AGO3: variants seen among roughly 807,000 people sequenced by gnomAD.
AGO3 encodes argonaute RISC catalytic component 3, also known as protein argonaute-3.
In AGO3, 16 loss-of-function variants were observed where a neutral mutation model predicts 105.5. That is an observed-to-expected ratio of 0.15 (90% CI 0.10 to 0.23). AGO3 has a LOEUF of 0.23. AGO3 is among the 10% of genes least tolerant of loss of function. The pLI, the probability that AGO3 is intolerant of heterozygous loss-of-function variation, is 1.00. For missense variants in AGO3, 534 were observed against 1,088.0 expected (o/e 0.49, Z 7.16); for synonymous variants, 340 against 367.3 (o/e 0.93, Z 0.85).
At chr1:35,932,015 C>T (rs1361451270) in intron 1 of AGO3, among the ~76,000 whole-genome samples, 1 of 152,142 alleles carries the variant, frequency 6.6e-6, no homozygotes, top group Non-Finnish European at 1.5e-5. Flanking sequence ...TGGATCCCTG[C>T]TTATACGAGG....
chr1:35,938,035 C>T (rs1223485079), intron 1 of AGO3, among the ~76,000 whole-genome samples: 1 of 146,096 alleles, frequency 6.8e-6, no homozygotes, highest in African/African-American at 2.6e-5. Context: ...GGCTGGAGTG[C>T]AATGGCATGA....
At chr1:36,032,238 A>G (rs913951262) in intron 12 of AGO3, among the ~76,000 whole-genome samples, 2 of 151,946 alleles carry the variant, frequency 1.3e-5, no homozygotes, top group African/African-American at 4.8e-5. Flanking sequence ...TGGCTTTTTG[A>G]TAGTAGCCAT....
Position 36,007,018 on chromosome 1 carries a change from G to A in AGO3, c.794-1672G>A, listed in dbSNP as rs569920698. Among the ~76,000 whole-genome samples the A allele has an allele frequency of 7.2e-5, 11 of 152,306 alleles. No individual in the cohort carries two copies. The East Asian group carries it at 2.1e-3, about 29-fold the overall frequency. Reference sequence around the variant, plus strand: ...GGCTGGATAATTCTTTGTTGGGATAGGGGTAGGGCTGTTCTCTGCATTACA... The same window carrying A: ...GGCTGGATAATTCTTTGTTGGGATAAGGGTAGGGCTGTTCTCTGCATTACA... On this transcript the variant is annotated intron_variant, in intron 6 of 18. Coordinates refer to ENST00000373191, the MANE Select transcript of AGO3 (RefSeq NM_024852.4).
chr1:36,003,555 G>A (rs1003091325), intron 5 of AGO3, among the ~76,000 whole-genome samples: 1 of 151,604 alleles, frequency 6.6e-6, no homozygotes, highest in South Asian at 2.1e-4. Flanking sequence ...TTGGTCGGAC[G>A]TGGTGGTGCA....
intron 1 of AGO3, among the ~76,000 whole-genome samples, chr1:35,944,553 T>TC (rs1373574760): frequency 6.8e-6 from 1 of 146,902 alleles, no homozygotes; most frequent in East Asian, 1.9e-4. Flanking sequence ...ACTTTTTTTT[T>TC]TTTTTTTTTT....
chr1:35,939,663 C>T (rs1182491377), intron 1 of AGO3, among the ~76,000 whole-genome samples: 4 of 152,106 alleles, frequency 2.6e-5, no homozygotes, highest in African/African-American at 9.7e-5. Flanking sequence ...ATTTAATCTT[C>T]CTTAACCTTA....
In AGO3 at chr1:36,062,222, G is replaced by A. The variant is rs1035576524; in HGVS notation, c.*6477G>A. ...CTGTCACCTAGGCTGGAGTGCAGTG[G>A]CTCAATCTCAGCTTACTGCAAACTC... On this transcript the variant is annotated 3_prime_UTR_variant, in exon 19 of 19. Transcript: ENST00000373191. The A allele has an allele frequency of 1.3e-5, 2 of 149,442 alleles. No homozygotes were observed. Among genetic ancestry groups the A allele is most frequent in the Non-Finnish European group, 3.0e-5 (2 of 67,690 alleles). 9.3% of individuals were successfully genotyped at this position (149,442 alleles called of 1,614,324 possible).
intron 6 of AGO3, chr1:36,005,787 A>G (rs1039201202): frequency 2.0e-5 from 20 of 985,270 alleles, no homozygotes; most frequent in East Asian, 1.1e-4. Context: ...CTTAACTTCA[A>G]CTGCTCAGGG....
intron 2 of AGO3, 72 bp from the exon 3 acceptor site, chr1:35,966,883 A>C: frequency 6.7e-7 from 1 of 1,493,528 alleles, no homozygotes; most frequent in Non-Finnish European, 9.0e-7. Flanking sequence ...CAGTGGCAGA[A>C]ATTACTTCTG....
intron 5 of AGO3, among the ~76,000 whole-genome samples, chr1:35,991,535 T>TTATATATATATA (rs138153778): frequency 4.1e-5 from 6 of 145,758 alleles, no homozygotes; most frequent in African/African-American, 1.5e-4. Flanking sequence ...GGAGCAAATT[T>TTATATATATATA]TATATATATA....
rs933620807 is a variant in AGO3, at chr1:36,068,812, G to A, written c.*13067G>A. ...ATGTGCAAAATATTGTGTAAAAATA[G>A]TTTAAAACTCATCCCAGTTCCTAGT... On this transcript the variant is annotated 3_prime_UTR_variant, in exon 19 of 19. Transcript: ENST00000373191. The A allele has an allele frequency of 2.6e-5, 4 of 152,174 alleles. No individual in the cohort carries two copies. Among genetic ancestry groups the A allele is most frequent in the Non-Finnish European group, 4.4e-5 (3 of 68,024 alleles). The allele number at this position is 152,174 out of a possible 1,614,324, so 9.4% of individuals were successfully genotyped here. A position where few individuals can be genotyped will look rare whatever the true frequency, so the allele number is the denominator to read the frequency against.
Position 35,931,343 on chromosome 1 carries a change from C to T in AGO3, c.-84C>T, listed in dbSNP as rs1015257261. 2.5e-5 allele frequency: 32 copies of T among 1,301,750 alleles called. No individual in the cohort carries two copies. The highest frequency in any genetic ancestry group is 2.8e-5 in the Non-Finnish European group (28 of 999,496). 80.6% of individuals were successfully genotyped at this position (1,301,750 alleles called of 1,614,324 possible). A position where few individuals can be genotyped will look rare whatever the true frequency, so the allele number is the denominator to read the frequency against. On this transcript the variant is annotated 5_prime_UTR_variant, in exon 1 of 19. Transcript: ENST00000373191. ...GGCCGAGTGAGAGTGCCCGTCGCGT[C>T]GCGCCGCGTCGCCCCCCGGGCCGCC...
chr1:35,951,411 A>G (rs897341326), intron 2 of AGO3, among the ~76,000 whole-genome samples: 1 of 151,462 alleles, frequency 6.6e-6, no homozygotes, highest in Non-Finnish European at 1.5e-5. Context: ...TTATTTATTT[A>G]TTTTGAAACA....
rs748846690 is a variant in AGO3 at position 36,055,993 on chromosome 1, A to G, written c.*248A>G. The G allele has an allele frequency of 4.0e-5, 13 of 326,346 alleles. No homozygotes were observed. Among genetic ancestry groups the G allele is most frequent in the Non-Finnish European group, 6.7e-5 (12 of 178,648 alleles). The allele number at this position is 326,346 out of a possible 1,614,324, so 20.2% of individuals were successfully genotyped here. A position where few individuals can be genotyped will look rare whatever the true frequency, so the allele number is the denominator to read the frequency against. On this transcript the variant is annotated 3_prime_UTR_variant, in exon 19 of 19. Coordinates refer to ENST00000373191, the MANE Select transcript of AGO3 (RefSeq NM_024852.4). The surrounding 1 kb of genome is among the most constrained non-coding windows in gnomAD (Gnocchi z 4.4). ...GCGGTCTCCTATAGGAAGTATCGCAATTGTTTTGTTTTCATTTCTTGTAGT... is the reference window on the plus strand; with the variant it reads ...GCGGTCTCCTATAGGAAGTATCGCAGTTGTTTTGTTTTCATTTCTTGTAGT...
At chr1:35,985,658 T>G (rs1043714223) in intron 5 of AGO3, among the ~76,000 whole-genome samples, 5 of 152,232 alleles carry the variant, frequency 3.3e-5, no homozygotes, top group African/African-American at 1.2e-4. Flanking sequence ...AGGTGAATTA[T>G]ATCCCAAATA....
chr1:35,931,362 G>T lies in AGO3; in HGVS notation c.-65G>T, dbSNP rs1291723642. 3 of 1,392,874 alleles carry T rather than the reference G, an allele frequency of 2.2e-6. No homozygotes were observed. Among genetic ancestry groups the T allele is most frequent in the African/African-American group, 3.0e-5 (2 of 66,568 alleles). 86.3% of individuals were successfully genotyped at this position (1,392,874 alleles called of 1,614,324 possible). The stretch of plus-strand genomic sequence containing the variant: ...TCGCGTCGCGCCGCGTCGCCCCCCG[G>T]GCCGCCTCCTTGCCGCCAGTGGCGG... On this transcript the variant is annotated 5_prime_UTR_variant, in exon 1 of 19. Transcript: ENST00000373191.
intron 11 of AGO3, among the ~76,000 whole-genome samples, chr1:36,015,726 A>G (rs1359276012): frequency 2.0e-5 from 3 of 152,236 alleles, no homozygotes; most frequent in Non-Finnish European, 4.4e-5. Flanking sequence ...AGCAAGCATC[A>G]TTGTCTTTCG....
intron 5 of AGO3, among the ~76,000 whole-genome samples, chr1:35,992,500 G>A (rs1647766308): frequency 6.6e-6 from 1 of 151,940 alleles, no homozygotes; most frequent in Admixed American, 6.6e-5. Context: ...CTCCTTCTAG[G>A]TTTGTACCTT....
chr1:36,043,326 A>G, intron 16 of AGO3, 121 bp from the exon 17 acceptor site: 1 of 744,152 alleles, frequency 1.3e-6, no homozygotes, highest in Non-Finnish European at 2.3e-6. Flanking sequence ...CTTAAGTCAT[A>G]TTTCAAGGTG....
Sources: gnomAD v4.1 joint callset for allele counts (sites outside exome capture counted in the v4.1 genomes callset) on GRCh38, gnomAD v4.1.1 for gene constraint, Gnocchi (gnomAD v3.1) non-coding constraint, MANE v1.5 for transcripts, NCBI Gene and HGNC (gene_info 2026-07-23, HGNC 2026-07-21) for gene names.